Variants in BMPR2 observed in about 807,000 individuals in gnomAD.
BMPR2 encodes bone morphogenetic protein receptor type 2.
In BMPR2, 29 loss-of-function variants were observed where a neutral mutation model predicts 100.8. That is an observed-to-expected ratio of 0.29 (90% confidence interval 0.21 to 0.39). The LOEUF is 0.39. BMPR2 is among the 10% of genes least tolerant of loss of function. BMPR2 has a pLI of 1.00. For missense variants in BMPR2, 1,011 were observed against 1,274.5 expected (o/e 0.79, Z 3.15); for synonymous variants, 382 against 442.3 (o/e 0.86, Z 1.71).
intron 1 of BMPR2, among the ~76,000 whole-genome samples, chr2:202,381,251 G>A (rs1385085973): frequency 6.6e-6 from 1 of 152,150 alleles, no homozygotes; most frequent in African/African-American, 2.4e-5. Flanking sequence ...GGGATTATAG[G>A]CATGAGCCAC....
chr2:202,377,650 TC>T, intron 1 of BMPR2, 100 bp downstream of exon 1: 7 of 1,380,124 alleles, frequency 5.1e-6, no homozygotes, highest in South Asian at 4.7e-5. Flanking sequence ...TCGCCATGCG[TC>T]CCCCCGATCG....
At chr2:202,469,930 C>T (rs1447835171) in intron 3 of BMPR2, among the ~76,000 whole-genome samples, 3 of 152,078 alleles carry the variant, frequency 2.0e-5, no homozygotes, top group South Asian at 2.1e-4. Context: ...TTGTGCAAGA[C>T]GTGATATAAA....
chr2:202,487,643 A>G (rs1692805152), intron 3 of BMPR2, among the ~76,000 whole-genome samples: 1 of 152,140 alleles, frequency 6.6e-6, no homozygotes, highest in Middle Eastern at 3.2e-3. Flanking sequence ...TACTTTTTGT[A>G]TTTTTCTGAA....
rs1688761341 is a variant in BMPR2, at chr2:202,566,286, C to T, written c.*6340C>T. On this transcript the variant is annotated 3_prime_UTR_variant, in exon 13 of 13. Coordinates refer to ENST00000374580, the MANE Select transcript of BMPR2 (RefSeq NM_001204.7). ...TTACTTAAAAACTCAGGGCCCCTTT[C>T]ATCCCTTTGTACACTGAAAAAGTTC... 1 of 152,598 alleles carries T rather than the reference C, an allele frequency of 6.6e-6. No homozygotes were observed. The highest frequency in any genetic ancestry group is 1.5e-5 in the Non-Finnish European group (1 of 67,986). 9.5% of individuals were successfully genotyped at this position (152,598 alleles called of 1,614,324 possible).
chr2:202,386,246 A>G (rs1574420538), intron 1 of BMPR2, among the ~76,000 whole-genome samples: 1 of 152,198 alleles, frequency 6.6e-6, no homozygotes, highest in East Asian at 1.9e-4. Flanking sequence ...TCTTTCCTTG[A>G]AATTCTGTTG....
chr2:202,396,678 T>C (rs1202537889), intron 1 of BMPR2, among the ~76,000 whole-genome samples: 1 of 152,344 alleles, frequency 6.6e-6, no homozygotes, highest in East Asian at 1.9e-4. Context: ...TTTGGTAAAA[T>C]GTGATATACA....
In BMPR2 at chr2:202,556,300, C is replaced by T. The variant is rs1420683611; in HGVS notation, c.2635C>T (p.His879Tyr). ...ACTGAGACGAGAGCAACAAGCTGGC[C>T]ATGATGAAGGTGTTCTGGATCGTCT... ...PLLRREQQAG[H>Y]DEGVLDRLVD... is the part of the protein sequence containing the mutation. Residue 879 changes from histidine (H) to tyrosine (Y), a missense_variant, in exon 12 of 13, where the codon CAT (histidine) becomes TAT (tyrosine). By Grantham distance (83) the His-to-Tyr change is moderately conservative (BLOSUM62 2). Transcript: ENST00000374580. 2 of 1,614,080 alleles carry T rather than the reference C, an allele frequency of 1.2e-6. No homozygotes were observed. Among genetic ancestry groups the T allele is most frequent in the African/African-American group, 1.3e-5 (1 of 74,938 alleles).
intron 1 of BMPR2, among the ~76,000 whole-genome samples, chr2:202,411,449 C>T (rs965243308): frequency 1.3e-5 from 2 of 152,162 alleles, no homozygotes; most frequent in Non-Finnish European, 2.9e-5. Flanking sequence ...AAATTACTTT[C>T]CTTGTAGGGT....
chr2:202,437,038 C>T lies in BMPR2; in HGVS notation c.77-27771C>T, dbSNP rs776865948. ...AAATTTTTTTTTTGAGATGGAGTCT[C>T]GCTTGGTCCGAGGCTGGAGTGCAGT... On this transcript the variant is annotated intron_variant, in intron 1 of 12. Transcript: ENST00000374580. Among the ~76,000 whole-genome samples the T allele has an allele frequency of 1.1e-3, 169 of 150,260 alleles. 2 individuals carry two copies. Among genetic ancestry groups the T allele is most frequent in the Non-Finnish European group, 1.6e-3 (106 of 68,020 alleles).
At chr2:202,417,919 C>T (rs536122533) in intron 1 of BMPR2, among the ~76,000 whole-genome samples, 8 of 151,558 alleles carry the variant, frequency 5.3e-5, no homozygotes, top group Non-Finnish European at 1.0e-4. Context: ...AGGGTTTCAC[C>T]GTGTTAGCCA....
intron 7 of BMPR2, among the ~76,000 whole-genome samples, chr2:202,528,913 C>G (rs1165373398): frequency 6.6e-6 from 1 of 152,110 alleles, no homozygotes; most frequent in Non-Finnish European, 1.5e-5. Flanking sequence ...TCAGATATAA[C>G]TTTGTTATTT....
intron 3 of BMPR2, among the ~76,000 whole-genome samples, chr2:202,480,261 T>C (rs923815984): frequency 6.6e-6 from 1 of 151,986 alleles, no homozygotes; most frequent in African/African-American, 2.4e-5. Flanking sequence ...GCCTCCCGAG[T>C]AGCTGGGATT....
intron 7 of BMPR2, among the ~76,000 whole-genome samples, chr2:202,522,851 T>G (rs1687842860): frequency 6.6e-6 from 1 of 152,006 alleles, no homozygotes; most frequent in Admixed American, 6.6e-5. Flanking sequence ...AAAAATGAAT[T>G]CCTTTTCATA....
chr2:202,497,195 C>G (rs893442282), intron 3 of BMPR2, among the ~76,000 whole-genome samples: 1 of 152,214 alleles, frequency 6.6e-6, no homozygotes, highest in East Asian at 1.9e-4. Context: ...CCTCCCACCC[C>G]CTCCATGGGC....
Position 202,377,426 on chromosome 2 carries a change from C to A in BMPR2, c.-49C>A. 6.3e-7 allele frequency: 1 copy of A among 1,581,316 alleles called. No individual in the cohort carries two copies. Among genetic ancestry groups the A allele is most frequent in the Non-Finnish European group, 8.7e-7 (1 of 1,150,034 alleles). Reference sequence around the variant, plus strand: ...TCCCGGCTGTTTCTCCGCCGGTCTACTTCCCATATTTCTTTTCTTTGCCCT... The same window carrying A: ...TCCCGGCTGTTTCTCCGCCGGTCTAATTCCCATATTTCTTTTCTTTGCCCT... On this transcript the variant is annotated 5_prime_UTR_variant, in exon 1 of 13. Coordinates refer to ENST00000374580, the MANE Select transcript of BMPR2 (RefSeq NM_001204.7).
intron 1 of BMPR2, among the ~76,000 whole-genome samples, chr2:202,462,372 C>A (rs939471262): frequency 2.4e-4 from 36 of 152,042 alleles, no homozygotes; most frequent in African/African-American, 8.5e-4. Context: ...AGGCATGCGC[C>A]TGCATGCCCA....
At chr2:202,520,557 A>G in intron 7 of BMPR2, 1 of 314,452 alleles carries the variant, frequency 3.2e-6, no homozygotes, top group Admixed American at 4.5e-5. Flanking sequence ...TTCCTCTGCA[A>G]GCGGACAAGC....
intron 3 of BMPR2, among the ~76,000 whole-genome samples, chr2:202,473,213 G>A (rs1373429489): frequency 2.0e-5 from 3 of 151,708 alleles, no homozygotes; most frequent in East Asian, 3.9e-4. Flanking sequence ...CTTTGGGATC[G>A]CTTGATCCCA....
chr2:202,465,735 G>A (rs937401396), intron 2 of BMPR2, among the ~76,000 whole-genome samples: 3 of 152,052 alleles, frequency 2.0e-5, no homozygotes, highest in Non-Finnish European at 4.4e-5. Flanking sequence ...GCGGGCGCCT[G>A]TAGTCCCAGC....
Sources: allele counts gnomAD v4.1 joint callset (sites outside exome capture counted in the v4.1 genomes callset), GRCh38; gene constraint gnomAD v4.1.1; transcripts MANE v1.5; gene names NCBI Gene and HGNC (gene_info 2026-07-23, HGNC 2026-07-21).